ARHGAP24: variants seen among roughly 807,000 people sequenced by gnomAD.
The protein encoded by ARHGAP24 is Rho GTPase activating protein 24.
Under a neutral mutation model 76.4 loss-of-function variants are expected in ARHGAP24, and 50 were observed. The ratio of observed to expected loss-of-function variants is 0.65; its 90% CI spans 0.52 to 0.83. The LOEUF is 0.83. Among genes scored for constraint, ARHGAP24 ranks in the 40% least tolerant of loss-of-function variants. The pLI is 0.00. For missense variants in ARHGAP24, 930 were observed against 914.2 expected (o/e 1.02, Z -0.22); for synonymous variants, 345 against 323.3 (o/e 1.07, Z -0.72).
At chr4:85,487,870 AAATATAT>A (rs944734760) in intron 1 of ARHGAP24, among the ~76,000 whole-genome samples, 1 of 124,538 alleles carries the variant, frequency 8.0e-6, no homozygotes, top group Non-Finnish European at 1.6e-5. Flanking sequence ...TATATTATAT[AAATATAT>A]AATATATATA....
At chr4:85,776,952 T>C (rs1727329991) in intron 3 of ARHGAP24, among the ~76,000 whole-genome samples, 1 of 152,212 alleles carries the variant, frequency 6.6e-6, no homozygotes, top group Non-Finnish European at 1.5e-5. Context: ...GCAAGTAATA[T>C]GTATCAATGT....
At chr4:85,736,602 T>C (rs538289266) in intron 3 of ARHGAP24, among the ~76,000 whole-genome samples, 1 of 152,252 alleles carries the variant, frequency 6.6e-6, no homozygotes, top group South Asian at 2.1e-4. Context: ...TATCATCCAA[T>C]AAACATCAAG....
chr4:85,700,243 A>G (rs1724026293), intron 2 of ARHGAP24, among the ~76,000 whole-genome samples: 1 of 152,028 alleles, frequency 6.6e-6, no homozygotes. Flanking sequence ...AAAAATATAA[A>G]AATTAGCCAG....
intron 3 of ARHGAP24, among the ~76,000 whole-genome samples, chr4:85,879,547 G>C (rs1733119257): frequency 6.6e-6 from 1 of 151,860 alleles, no homozygotes; most frequent in Admixed American, 6.6e-5. Context: ...AACAGTATTT[G>C]TGCTAAGGAT....
intron 9 of ARHGAP24, among the ~76,000 whole-genome samples, chr4:85,999,563 G>A (rs1473838698): frequency 6.6e-6 from 1 of 152,176 alleles, no homozygotes; most frequent in African/African-American, 2.4e-5. Context: ...GGTATGGTAA[G>A]TTTGAATGAG....
intron 1 of ARHGAP24, among the ~76,000 whole-genome samples, chr4:85,532,898 G>C (rs1725326200): frequency 6.9e-6 from 1 of 145,756 alleles, no homozygotes; most frequent in African/African-American, 2.8e-5. Flanking sequence ...TCTATTCACT[G>C]ATCAATGCAG....
At position 85,986,717 on chromosome 4, in the gene ARHGAP24, C is replaced by T. The variant is rs78676434; in HGVS notation, c.929-7866C>T. On this transcript the variant is annotated intron_variant, in intron 8 of 9. Transcript: ENST00000395184. ...TGATTTATGTTTGCATGAGAGGACACTACACAAGACTTGAGGGAATTTACC... is the reference window on the plus strand; with the variant it reads ...TGATTTATGTTTGCATGAGAGGACATTACACAAGACTTGAGGGAATTTACC... 2.2e-3 allele frequency among the ~76,000 whole-genome samples: 340 copies of T among 152,220 alleles called. 2 individuals carry two copies. The highest frequency in any genetic ancestry group is 7.9e-3 in the African/African-American group (328 of 41,542).
At chr4:85,608,425 C>T (rs1445713058) in intron 2 of ARHGAP24, among the ~76,000 whole-genome samples, 2 of 152,026 alleles carry the variant, frequency 1.3e-5, no homozygotes, top group Non-Finnish European at 1.5e-5. Flanking sequence ...TAAATATAGC[C>T]TAGTCTCTGT....
intron 3 of ARHGAP24, among the ~76,000 whole-genome samples, chr4:85,865,262 T>C (rs1190621148): frequency 6.6e-6 from 1 of 151,940 alleles, no homozygotes; most frequent in East Asian, 1.9e-4. Context: ...GGTTAATGAT[T>C]ATTGTGGCCA....
intron 3 of ARHGAP24, among the ~76,000 whole-genome samples, chr4:85,782,720 T>A (rs1727622489): frequency 6.6e-6 from 1 of 152,084 alleles, no homozygotes; most frequent in Admixed American, 6.6e-5. Context: ...TCAATTACAA[T>A]CTCCCAGGGA....
intron 2 of ARHGAP24, among the ~76,000 whole-genome samples, chr4:85,617,523 T>C (rs1720580581): frequency 1.3e-5 from 2 of 152,094 alleles, no homozygotes; most frequent in South Asian, 4.1e-4. Flanking sequence ...TAAAAATATT[T>C]TTGAATTTGT....
chr4:85,800,490 A>G (rs1728530703), intron 3 of ARHGAP24, among the ~76,000 whole-genome samples: 1 of 151,872 alleles, frequency 6.6e-6, no homozygotes, highest in Admixed American at 6.6e-5. Flanking sequence ...GGTAGGAATT[A>G]AGAAGAAGAA....
At chr4:85,689,396 A>G (rs924896988) in intron 2 of ARHGAP24, among the ~76,000 whole-genome samples, 2 of 151,524 alleles carry the variant, frequency 1.3e-5, no homozygotes, top group Non-Finnish European at 2.9e-5. Context: ...TAAATTTTTA[A>G]TTTTTTTTGA....
intron 1 of ARHGAP24, among the ~76,000 whole-genome samples, chr4:85,527,168 A>G: frequency 6.6e-6 from 1 of 152,156 alleles, no homozygotes; most frequent in Non-Finnish European, 1.5e-5. Context: ...AGTTCAAGGG[A>G]CAATGCTGTC....
At chr4:85,628,972 A>C (rs1266810192) in intron 2 of ARHGAP24, among the ~76,000 whole-genome samples, 1 of 152,110 alleles carries the variant, frequency 6.6e-6, no homozygotes, top group Admixed American at 6.6e-5. Context: ...AATTTAATTC[A>C]TTTATATTTG....
chr4:85,879,670 G>C (rs1378333434), intron 3 of ARHGAP24, among the ~76,000 whole-genome samples: 1 of 151,438 alleles, frequency 6.6e-6, no homozygotes, highest in African/African-American at 2.4e-5. Context: ...CCCAGAAACT[G>C]CATTTAATAC....
At chr4:85,669,901 A>T (rs977167297) in intron 2 of ARHGAP24, among the ~76,000 whole-genome samples, 1 of 151,834 alleles carries the variant, frequency 6.6e-6, no homozygotes, top group Non-Finnish European at 1.5e-5. Flanking sequence ...TTGGTGACTA[A>T]ATTATCCACT....
chr4:85,897,990 TATATATATATATACAC>T (rs1212299425), intron 3 of ARHGAP24, among the ~76,000 whole-genome samples: 1 of 143,412 alleles, frequency 7.0e-6, no homozygotes, highest in Non-Finnish European at 1.5e-5. Context: ...TACACACATA[TATATATATATATACAC>T]ATATATATAT....
intron 1 of ARHGAP24, among the ~76,000 whole-genome samples, chr4:85,525,104 T>C (rs1724928224): frequency 1.3e-5 from 2 of 152,180 alleles, no homozygotes; most frequent in African/African-American, 4.8e-5. Flanking sequence ...CATCTGCATC[T>C]ATATTGTATC....
Sources: gnomAD v4.1 joint callset for allele counts (sites outside exome capture counted in the v4.1 genomes callset) on GRCh38, gnomAD v4.1.1 for gene constraint, MANE v1.5 for transcripts, NCBI Gene and HGNC (gene_info 2026-07-23, HGNC 2026-07-21) for gene names.